ABL2: variants seen among roughly 807,000 people sequenced by gnomAD.
ABL2 encodes ABL proto-oncogene 2, non-receptor tyrosine kinase, also known as tyrosine-protein kinase ABL2.
A neutral mutation model predicts 107.7 loss-of-function variants in ABL2; 49 were observed. That is an observed-to-expected ratio of 0.45 (90% CI 0.36 to 0.58). The LOEUF (loss-of-function observed/expected upper bound fraction) is 0.58, where lower values mean the gene tolerates loss of function less well. ABL2 is among the 20% of genes least tolerant of loss of function. ABL2 has a pLI of 0.00. For missense variants in ABL2, 1,245 were observed against 1,457.0 expected (o/e 0.85, Z 2.37); for synonymous variants, 549 against 548.6 (o/e 1.00, Z -0.01).
chr1:179,137,576 A>G (rs781045987), intron 1 of ABL2, among the ~76,000 whole-genome samples: 15 of 152,216 alleles, frequency 9.9e-5, no homozygotes, highest in Non-Finnish European at 1.6e-4. Context: ...TCAACAGTAA[A>G]AAGAACTTTG....
intron 1 of ABL2, among the ~76,000 whole-genome samples, chr1:179,134,031 T>C (rs1449621933): frequency 6.6e-6 from 1 of 152,204 alleles, no homozygotes; most frequent in East Asian, 1.9e-4. Flanking sequence ...GCTGCATTAA[T>C]ACTCTATCTT....
chr1:179,142,806 C>T (rs1397025706), intron 1 of ABL2: 3 of 1,131,644 alleles, frequency 2.7e-6, no homozygotes. Flanking sequence ...AGAAAGCACA[C>T]AAACTTTCAC....
At chr1:179,170,551 G>A (rs748196179) in intron 1 of ABL2, among the ~76,000 whole-genome samples, 5 of 151,968 alleles carry the variant, frequency 3.3e-5, no homozygotes, top group Admixed American at 6.6e-5. Context: ...CGAGTAGCTC[G>A]GATTACAGGC....
At chr1:179,166,791 A>AG (rs907135892) in intron 1 of ABL2, among the ~76,000 whole-genome samples, 16 of 151,742 alleles carry the variant, frequency 1.1e-4, no homozygotes, top group Non-Finnish European at 2.2e-4. Context: ...AAAAAAAAAA[A>AG]AAAGAAAAAA....
intron 1 of ABL2, among the ~76,000 whole-genome samples, chr1:179,192,714 T>A (rs182344635): frequency 1.2e-4 from 18 of 152,282 alleles, no homozygotes; most frequent in Admixed American, 3.3e-4. Flanking sequence ...TCACATCACA[T>A]AGAAAAAATT....
chr1:179,169,142 A>G (rs928161255), intron 1 of ABL2, among the ~76,000 whole-genome samples: 7 of 152,180 alleles, frequency 4.6e-5, no homozygotes, highest in African/African-American at 1.7e-4. Context: ...ATCATAAAAT[A>G]GAAATGAAAT....
At chr1:179,225,144 C>A (rs1244327960) in intron 1 of ABL2, among the ~76,000 whole-genome samples, 4 of 152,172 alleles carry the variant, frequency 2.6e-5, no homozygotes, top group Non-Finnish European at 5.9e-5. Flanking sequence ...TTCTAAATTA[C>A]ATTCACAAAA....
chr1:179,201,480 G>A, intron 1 of ABL2: 1 of 227,280 alleles, frequency 4.4e-6, no homozygotes, highest in Non-Finnish European at 8.7e-6. Context: ...AAGATTTAAA[G>A]ATAGTAATCC....
intron 1 of ABL2, among the ~76,000 whole-genome samples, chr1:179,163,322 G>A (rs1659182252): frequency 6.6e-6 from 1 of 152,220 alleles, no homozygotes; most frequent in Admixed American, 6.5e-5. Flanking sequence ...CAGTTGGGCA[G>A]TTTGTTATAA....
chr1:179,136,957 A>T (rs1016335037), intron 1 of ABL2, among the ~76,000 whole-genome samples: 1 of 150,640 alleles, frequency 6.6e-6, no homozygotes, highest in African/African-American at 2.4e-5. Context: ...TACATGATAT[A>T]CACACAGAAA....
chr1:179,117,856 C>G (rs921366850), intron 7 of ABL2, among the ~76,000 whole-genome samples: 1 of 151,984 alleles, frequency 6.6e-6, no homozygotes, highest in Admixed American at 6.6e-5. Flanking sequence ...TGGTGGCTCA[C>G]GCCTGTAATC....
chr1:179,200,192 G>A (rs1661586055), intron 1 of ABL2, among the ~76,000 whole-genome samples: 2 of 151,870 alleles, frequency 1.3e-5, no homozygotes, highest in Admixed American at 6.6e-5. Context: ...GATTATAGGT[G>A]CACACCACTC....
chr1:179,118,438 T>C (rs770220190), intron 7 of ABL2, 149 bp downstream of exon 7: 63 of 721,140 alleles, frequency 8.7e-5, no homozygotes, highest in Non-Finnish European at 1.3e-4. Context: ...GGTTTACAAG[T>C]TAGAAGTGAC....
intron 1 of ABL2, among the ~76,000 whole-genome samples, chr1:179,169,380 C>G (rs1659583022): frequency 6.6e-6 from 1 of 151,886 alleles, no homozygotes; most frequent in African/African-American, 2.4e-5. Flanking sequence ...AACCCGGTCT[C>G]TACAAAAAAT....
chr1:179,158,944 C>G (rs1300119670), intron 1 of ABL2, among the ~76,000 whole-genome samples: 1 of 152,112 alleles, frequency 6.6e-6, no homozygotes, highest in African/African-American at 2.4e-5. Flanking sequence ...GAGTACCTAA[C>G]ACATGTGAAG....
At chr1:179,227,309 TCCAA>T (rs1401643879) in intron 1 of ABL2, among the ~76,000 whole-genome samples, 1 of 152,200 alleles carries the variant, frequency 6.6e-6, no homozygotes, top group Admixed American at 6.5e-5. Context: ...ACTTGACTCT[TCCAA>T]TTTTTGCTCT....
chr1:179,215,782 T>A (rs1239230796), intron 1 of ABL2, among the ~76,000 whole-genome samples: 1 of 152,162 alleles, frequency 6.6e-6, no homozygotes, highest in Non-Finnish European at 1.5e-5. Context: ...CAACCTTTCT[T>A]TCCTATAAGG....
At chr1:179,134,290 T>C (rs1656629199) in intron 1 of ABL2, among the ~76,000 whole-genome samples, 1 of 152,234 alleles carries the variant, frequency 6.6e-6, no homozygotes, top group Non-Finnish European at 1.5e-5. Context: ...CTCAGGCCTG[T>C]AATCCCAGCA....
chr1:179,109,077 G>T lies in ABL2; in HGVS notation c.2190C>A (p.Asp730Glu). 1 of 1,375,912 alleles carries T rather than the reference G, an allele frequency of 7.3e-7. No individual in the cohort carries two copies. Among genetic ancestry groups the T allele is most frequent in the Non-Finnish European group, 9.6e-7 (1 of 1,043,414 alleles). The allele number at this position is 1,375,912 out of a possible 1,614,324, so 85.2% of individuals were successfully genotyped here. ...CACTGCCCCCACCCCCACCACCGTCGTCATTACAGAGGTTCCTCTGTGCAA... is the reference window on the plus strand; with the variant it reads ...CACTGCCCCCACCCCCACCACCGTCTTCATTACAGAGGTTCCTCTGTGCAA... ...GSFAQRNLCN[D>E]DGGGGGGSGT... is the part of the protein sequence containing the mutation. Residue 730 changes from aspartate (D) to glutamate (E), a missense_variant, in exon 12 of 12, where the codon GAC becomes GAA. Asp to Glu is a conservative substitution (Grantham distance 45). Coordinates refer to ENST00000502732, the MANE Select transcript of ABL2 (RefSeq NM_007314.4).
Sources: gnomAD v4.1 joint callset for allele counts (sites outside exome capture counted in the v4.1 genomes callset) on GRCh38, gnomAD v4.1.1 for gene constraint, MANE v1.5 for transcripts, NCBI Gene and HGNC (gene_info 2026-07-23, HGNC 2026-07-21) for gene names.